The following CALCOCO2 variants were observed in gnomAD, a reference collection of about 807,000 sequenced individuals.
CALCOCO2 encodes the protein calcium binding and coiled-coil domain 2.
In CALCOCO2, 42 loss-of-function variants were observed where a neutral mutation model predicts 62.5. The observed-to-expected ratio is 0.67, with a 90% CI of 0.53 to 0.87. The LOEUF (loss-of-function observed/expected upper bound fraction) is 0.87, where lower values mean the gene tolerates loss of function less well. Ranked by LOEUF, CALCOCO2 falls within the 40% of genes least tolerant of loss-of-function variation. The pLI, the probability that CALCOCO2 is intolerant of heterozygous loss-of-function variation, is 0.00. For missense variants in CALCOCO2, 456 were observed against 515.0 expected (o/e 0.89, Z 1.11); for synonymous variants, 167 against 173.0 (o/e 0.97, Z 0.27).
At chr17:48,844,716 T>C (rs1027955747) in intron 2 of CALCOCO2, among the ~76,000 whole-genome samples, 4 of 152,034 alleles carry the variant, frequency 2.6e-5, no homozygotes, top group Admixed American at 1.3e-4. Flanking sequence ...CAGGGTTTCA[T>C]CACGTTGGCC....
chr17:48,861,777 G>A lies in CALCOCO2; in HGVS notation c.1145-499G>A, dbSNP rs2040331771. ...AAAATACAATTTCAGGCTGGGTGTC[G>A]TGGCTCACTCCTGTAATCCCAGCAC... is the stretch of plus-strand genomic sequence containing the variant. On this transcript the variant is annotated intron_variant, in intron 11 of 12. Transcript: ENST00000258947. Among the ~76,000 whole-genome samples, 4 of 151,028 alleles carry A rather than the reference G, an allele frequency of 2.6e-5. 1 individual carries two copies. Among genetic ancestry groups the A allele is most frequent in the South Asian group, 4.2e-4 (2 of 4,804 alleles).
In CALCOCO2 at chr17:48,856,120, T is replaced by A. The variant is rs758893046; in HGVS notation, c.941T>A (p.Leu314Gln). 2 of 1,601,438 alleles carry A rather than the reference T, an allele frequency of 1.2e-6. No individual in the cohort carries two copies. The highest frequency in any genetic ancestry group is 2.2e-5 in the South Asian group (2 of 90,394). Residue 314 changes from leucine (L) to glutamine (Q), a missense_variant, in exon 10 of 13, where the codon CTG (leucine) becomes CAG (glutamine). Physicochemically the swap from Leu to Gln is moderately radical, Grantham distance 113. Transcript: ENST00000258947. ...MDENFDLSKR[L>Q]SENEIICNAL... Reference sequence around the variant, plus strand: ...GAAAACTTTGACCTGTCAAAAAGACTGAGTGAGAACGAAATTATATGTAAT... The same window carrying A: ...GAAAACTTTGACCTGTCAAAAAGACAGAGTGAGAACGAAATTATATGTAAT...
At chr17:48,845,320 G>GGTGT (rs55686005) in intron 2 of CALCOCO2, among the ~76,000 whole-genome samples, 3,722 of 137,162 alleles carry the variant, frequency 0.027, 124 homozygotes, top group South Asian at 0.1. Flanking sequence ...CTATGTTGAG[G>GGTGT]GTGTGTGTGT....
intron 10 of CALCOCO2, 187 bp downstream of exon 10, chr17:48,856,374 C>T: frequency 1.9e-6 from 1 of 524,586 alleles, no homozygotes. Context: ...TGTCTTTATT[C>T]TACAACTGAA....
chr17:48,845,201 C>T (rs1014307060), intron 2 of CALCOCO2, among the ~76,000 whole-genome samples: 1 of 152,022 alleles, frequency 6.6e-6, no homozygotes, highest in Non-Finnish European at 1.5e-5. Flanking sequence ...AGAGGTATTA[C>T]CATACCCCAA....
chr17:48,853,218 G>C, intron 9 of CALCOCO2: 1 of 510,170 alleles, frequency 2.0e-6, no homozygotes, highest in Non-Finnish European at 3.6e-6. Context: ...AAGTAATAAA[G>C]GAATATTGCA....
chr17:48,858,073 A>AT (rs1056364818), intron 10 of CALCOCO2, among the ~76,000 whole-genome samples: 1 of 148,394 alleles, frequency 6.7e-6, no homozygotes, highest in African/African-American at 2.5e-5. Flanking sequence ...ATAGAATAGA[A>AT]TTTTACCATC....
intron 11 of CALCOCO2, among the ~76,000 whole-genome samples, chr17:48,861,516 T>C (rs1167316985): frequency 6.6e-6 from 1 of 151,968 alleles, no homozygotes; most frequent in Non-Finnish European, 1.5e-5. Flanking sequence ...TGACTGTGGA[T>C]ACAGTCTTAA....
chr17:48,855,561 G>A (rs2040203348), intron 9 of CALCOCO2, among the ~76,000 whole-genome samples: 1 of 152,150 alleles, frequency 6.6e-6, no homozygotes, highest in South Asian at 2.1e-4. Context: ...ACACTGGGTT[G>A]CTTATGGCCC....
chr17:48,853,329 CAAAT>C (rs1008649318), intron 9 of CALCOCO2: 4 of 220,626 alleles, frequency 1.8e-5, no homozygotes, highest in Admixed American at 5.1e-5. Context: ...TAGGGGCAGA[CAAAT>C]GAATGGTTAT....
At chr17:48,862,441 C>A (rs966752204) in intron 12 of CALCOCO2, 137 bp downstream of exon 12, 1 of 723,276 alleles carries the variant, frequency 1.4e-6, no homozygotes, top group South Asian at 1.6e-5. Flanking sequence ...TTGTTTTGGG[C>A]CCAAGGCTGA....
intron 2 of CALCOCO2, chr17:48,845,941 G>T: frequency 1.8e-6 from 1 of 546,990 alleles, no homozygotes; most frequent in South Asian, 2.6e-5. Context: ...GAATTCCTTT[G>T]AGCAACAGAT....
chr17:48,842,485 A>G (rs1232707102), intron 2 of CALCOCO2: 1 of 151,202 alleles, frequency 6.6e-6, no homozygotes, highest in Admixed American at 6.6e-5. Context: ...AAATATAAAT[A>G]CTTGCTTCTT....
intron 11 of CALCOCO2, among the ~76,000 whole-genome samples, chr17:48,861,166 G>A (rs1373607625): frequency 1.3e-5 from 2 of 152,050 alleles, no homozygotes; most frequent in African/African-American, 2.4e-5. Flanking sequence ...TCAGGAGTTC[G>A]AGACAAGCGT....
chr17:48,861,089 C>T (rs906058089), intron 11 of CALCOCO2, among the ~76,000 whole-genome samples: 13 of 152,040 alleles, frequency 8.6e-5, no homozygotes, highest in African/African-American at 3.1e-4. Flanking sequence ...AGTTTGTGGC[C>T]GTGCGCGGTG....
chr17:48,831,712 C>T (rs1267088383), intron 1 of CALCOCO2: 1 of 152,218 alleles, frequency 6.6e-6, no homozygotes, highest in South Asian at 2.1e-4. Flanking sequence ...TGTTCCCACT[C>T]GTATATTATT....
chr17:48,838,284 A>G (rs956499835), intron 1 of CALCOCO2, among the ~76,000 whole-genome samples: 1 of 152,202 alleles, frequency 6.6e-6, no homozygotes, highest in Admixed American at 6.6e-5. Flanking sequence ...TAATCTATAG[A>G]TAACATAACC....
At chr17:48,862,178 G>C in intron 11 of CALCOCO2, 98 bp from the exon 12 acceptor site, 2 of 832,208 alleles carry the variant, frequency 2.4e-6, no homozygotes, top group Non-Finnish European at 2.1e-6. Flanking sequence ...GAGGAGAAAG[G>C]GAACAATGAA....
chr17:48,851,651 CA>C, intron 7 of CALCOCO2, 23 bp downstream of exon 7: 2 of 1,421,694 alleles, frequency 1.4e-6, no homozygotes, highest in African/African-American at 2.8e-5. Flanking sequence ...ATATGTTTGT[CA>C]AAGGATATTT....
Sources: gnomAD v4.1 joint callset for allele counts (sites outside exome capture counted in the v4.1 genomes callset) on GRCh38, gnomAD v4.1.1 for gene constraint, MANE v1.5 for transcripts, NCBI Gene and HGNC (gene_info 2026-07-23, HGNC 2026-07-21) for gene names.